Variants in CCDC144A observed in about 807,000 individuals in gnomAD.
CCDC144A encodes the protein coiled-coil domain containing 144A.
CCDC144A carries 41 observed loss-of-function variants against 143.8 expected under a neutral mutation model. The observed-to-expected ratio is 0.29, with a 90% confidence interval of 0.22 to 0.37. The LOEUF (loss-of-function observed/expected upper bound fraction) is 0.37. CCDC144A is among the 10% of genes least tolerant of loss of function. CCDC144A has a pLI of 1.00. For synonymous variants in CCDC144A, 242 were observed against 517.9 expected (o/e 0.47, Z 7.23); for missense variants, 637 against 1,488.8 (o/e 0.43, Z 9.41).
At chr17:16,675,702 CAGT>C in the CCDC144A span, among the ~76,000 whole-genome samples, 1 of 120,288 alleles carries the variant, frequency 8.3e-6, no homozygotes, top group African/African-American at 3.4e-5. Context: ...GGAGATAGAT[CAGT>C]GGAAAAATAC....
chr17:16,711,157 A>AAAC (rs1567589793), intron 5 of CCDC144A, among the ~76,000 whole-genome samples: 1 of 142,980 alleles, frequency 7.0e-6, no homozygotes, highest in African/African-American at 2.6e-5. Context: ...AAAAAAAAAA[A>AAAC]ACAAAAGTTA....
At position 16,709,439 on chromosome 17, in the gene CCDC144A, G is replaced by A; in HGVS notation, c.1382G>A (p.Gly461Asp). The change falls in exon 5 of 17, where the codon GGC becomes GAC. Residue 461 changes from glycine to aspartate, a missense_variant. Coordinates refer to ENST00000399273, the MANE Select transcript of CCDC144A (RefSeq NM_001382000.1). ...TKNMNQNSDS[G>D]STNNYKSLKP... Reference sequence around the variant, plus strand: ...AATATGAACCAAAATAGTGACAGTGGCAGTACAAACAACTATAAAAGCCTG... The same window carrying A: ...AATATGAACCAAAATAGTGACAGTGACAGTACAAACAACTATAAAAGCCTG... The A allele has an allele frequency of 1.2e-6, 2 of 1,611,636 alleles. No homozygotes were observed. The highest frequency in any genetic ancestry group is 1.1e-5 in the South Asian group (1 of 90,982).
At chr17:16,671,322 T>A in the CCDC144A span, among the ~76,000 whole-genome samples, 1 of 152,076 alleles carries the variant, frequency 6.6e-6, no homozygotes, top group East Asian at 1.9e-4. Flanking sequence ...TACATTAAAA[T>A]GATAGGATTT....
intron 12 of CCDC144A, chr17:16,746,271 C>CA: frequency 3.9e-6 from 3 of 778,988 alleles, no homozygotes; most frequent in Non-Finnish European, 5.5e-6. Flanking sequence ...CTCTCTCTCT[C>CA]TTTTTTTTTT....
intron 15 of CCDC144A, among the ~76,000 whole-genome samples, chr17:16,767,492 G>A (rs1218761137): frequency 7.6e-6 from 1 of 131,608 alleles, no homozygotes; most frequent in African/African-American, 2.8e-5. Context: ...CATCTAAACT[G>A]AGATTTACAA....
Position 16,775,190 on chromosome 17 carries a change from TA to T in CCDC144A, c.*1558del, listed in dbSNP as rs1915965036. 1 of 152,296 alleles carries T rather than the reference TA, an allele frequency of 6.6e-6. No homozygotes were observed. Among genetic ancestry groups the T allele is most frequent in the African/African-American group, 2.4e-5 (1 of 41,474 alleles). The allele number at this position is 152,296 out of a possible 1,614,324, so 9.4% of individuals were successfully genotyped here. On this transcript the variant is annotated 3_prime_UTR_variant, in exon 17 of 17. Coordinates refer to ENST00000399273, the MANE Select transcript of CCDC144A (RefSeq NM_001382000.1). The stretch of plus-strand genomic sequence containing the variant: ...ATGAACATACGTGTGCGTGTATCTT[TA>T]TACTAGAATTAGTTATATTCCTTTG...
At chr17:16,688,145 C>T (rs774612875), upstream of CCDC144A, among the ~76,000 whole-genome samples, 1 of 151,958 alleles carries the variant, frequency 6.6e-6, no homozygotes, top group African/African-American at 2.4e-5. Context: ...CACCCTTAAA[C>T]TGAGTCTGTT....
the CCDC144A span, among the ~76,000 whole-genome samples, chr17:16,668,879 G>A: frequency 6.6e-6 from 1 of 152,034 alleles, no homozygotes; most frequent in African/African-American, 2.4e-5. Context: ...TCCATCATAA[G>A]GACCCCACTC....
chr17:16,677,361 A>G, the CCDC144A span, among the ~76,000 whole-genome samples: 2 of 152,142 alleles, frequency 1.3e-5, no homozygotes, highest in African/African-American at 4.8e-5. Flanking sequence ...CCCTAAACCC[A>G]GAGGGGACCA....
At chr17:16,723,853 T>C (rs1230925479) in intron 8 of CCDC144A, among the ~76,000 whole-genome samples, 2 of 152,370 alleles carry the variant, frequency 1.3e-5, no homozygotes, top group East Asian at 1.9e-4. Context: ...ATGCTTATTG[T>C]ATCATTTCCT....
intron 9 of CCDC144A, chr17:16,731,222 G>A (rs1913727294): frequency 1.3e-5 from 2 of 152,072 alleles, no homozygotes; most frequent in Non-Finnish European, 2.9e-5. Context: ...TTACCCAAAA[G>A]AGAAACATAA....
At chr17:16,759,600 C>G (rs778677) in intron 12 of CCDC144A, among the ~76,000 whole-genome samples, 13,554 of 148,378 alleles carry the variant, frequency 0.091, 546 homozygotes, top group Non-Finnish European at 0.12. Flanking sequence ...TCGTTTTCTT[C>G]ACTATCCTGG....
intron 12 of CCDC144A, among the ~76,000 whole-genome samples, chr17:16,753,449 TTTTTTTTG>T (rs1914915201): frequency 7.2e-6 from 1 of 138,264 alleles, no homozygotes. Flanking sequence ...TTTTTTTTTT[TTTTTTTTG>T]TAAAGCTCTT....
intron 12 of CCDC144A, among the ~76,000 whole-genome samples, chr17:16,748,002 G>T (rs950804503): frequency 6.6e-6 from 1 of 152,096 alleles, no homozygotes; most frequent in Non-Finnish European, 1.5e-5. Flanking sequence ...GTTCCAGTGG[G>T]CAAGGGGAAT....
At chr17:16,680,547 A>AAGAAAGAAAGAGAGAGAG in the CCDC144A span, among the ~76,000 whole-genome samples, 1 of 150,974 alleles carries the variant, frequency 6.6e-6, no homozygotes, top group South Asian at 2.1e-4. Context: ...AACCTGAAGA[A>AAGAAAGAAAGAGAGAGAG]AGAAAGAAAG....
At chr17:16,668,716 T>C in the CCDC144A span, among the ~76,000 whole-genome samples, 3 of 152,358 alleles carry the variant, frequency 2.0e-5, no homozygotes, top group Admixed American at 2.0e-4. Context: ...ATTAGTCTAC[T>C]CAGGCTGTTA....
At chr17:16,754,598 T>C (rs1033526974) in intron 12 of CCDC144A, among the ~76,000 whole-genome samples, 2 of 152,224 alleles carry the variant, frequency 1.3e-5, no homozygotes, top group African/African-American at 2.4e-5. Flanking sequence ...TCCATTTTTA[T>C]TCCATTGTGG....
upstream of CCDC144A, among the ~76,000 whole-genome samples, chr17:16,687,893 T>A (rs79604619): frequency 2.0e-5 from 3 of 149,476 alleles, no homozygotes; most frequent in South Asian, 6.4e-4. Flanking sequence ...AGCACACTAA[T>A]TTTTTTTTTA....
At chr17:16,716,272 T>G (rs1455172249) in intron 6 of CCDC144A, among the ~76,000 whole-genome samples, 3 of 152,248 alleles carry the variant, frequency 2.0e-5, no homozygotes, top group Non-Finnish European at 2.9e-5. Context: ...GTTTCAGTTT[T>G]TAGTATTTTC....
Sources: allele counts gnomAD v4.1 joint callset (sites outside exome capture counted in the v4.1 genomes callset), GRCh38; gene constraint gnomAD v4.1.1; transcripts MANE v1.5; gene names NCBI Gene and HGNC (gene_info 2026-07-23, HGNC 2026-07-21).